Variants in KDM4C observed in about 807,000 individuals in gnomAD.
KDM4C encodes lysine demethylase 4C, also known as lysine-specific demethylase 4C.
In KDM4C, 81 loss-of-function variants were observed where a neutral mutation model predicts 129.3. The ratio of observed to expected loss-of-function variants is 0.63; its 90% CI spans 0.52 to 0.75. KDM4C has a LOEUF of 0.75. Ranked by LOEUF, KDM4C falls within the 30% of genes least tolerant of loss-of-function variation. KDM4C has a pLI of 0.00. For missense variants in KDM4C, 1,457 were observed against 1,304.0 expected (o/e 1.12, Z -1.81); for synonymous variants, 573 against 456.1 (o/e 1.26, Z -3.26).
intron 17 of KDM4C, among the ~76,000 whole-genome samples, chr9:7,087,847 C>T (rs1234515600): frequency 1.3e-5 from 2 of 152,166 alleles, no homozygotes; most frequent in South Asian, 2.1e-4. Flanking sequence ...ATTATTTAAA[C>T]TTATGATGAG....
At chr9:6,840,689 A>C (rs1448578633) in intron 4 of KDM4C, among the ~76,000 whole-genome samples, 1 of 152,210 alleles carries the variant, frequency 6.6e-6, no homozygotes, top group Non-Finnish European at 1.5e-5. Flanking sequence ...GAGCCACCGC[A>C]TCCAGCCCTC....
At chr9:6,868,668 A>G (rs187409718) in intron 5 of KDM4C, among the ~76,000 whole-genome samples, 23 of 152,126 alleles carry the variant, frequency 1.5e-4, no homozygotes, top group Middle Eastern at 3.4e-3. Context: ...CAGTTTGTAC[A>G]TGTTCAGTAC....
chr9:6,752,886 G>T (rs567624518), upstream of KDM4C, among the ~76,000 whole-genome samples: 1 of 152,242 alleles, frequency 6.6e-6, no homozygotes, highest in South Asian at 2.1e-4. Flanking sequence ...CATGCCTGAG[G>T]TGGAGGAGCA....
At chr9:7,024,800 G>A (rs2132293481) in intron 15 of KDM4C, among the ~76,000 whole-genome samples, 1 of 152,284 alleles carries the variant, frequency 6.6e-6, no homozygotes. Context: ...ACATACGTGT[G>A]CATGTGTCTT....
intron 8 of KDM4C, among the ~76,000 whole-genome samples, chr9:6,953,381 C>A (rs1222162308): frequency 6.6e-6 from 1 of 152,122 alleles, no homozygotes; most frequent in Non-Finnish European, 1.5e-5. Flanking sequence ...CTGCTTTGAC[C>A]TATGGTTTGA....
At chr9:7,000,607 T>C (rs1289075398) in intron 12 of KDM4C, among the ~76,000 whole-genome samples, 1 of 152,214 alleles carries the variant, frequency 6.6e-6, no homozygotes, top group Non-Finnish European at 1.5e-5. Flanking sequence ...TTCAATTCTT[T>C]AGAAAAATAA....
chr9:6,965,673 G>A (rs1440023799), intron 8 of KDM4C, among the ~76,000 whole-genome samples: 1 of 152,212 alleles, frequency 6.6e-6, no homozygotes, highest in African/African-American at 2.4e-5. Context: ...GAAGCAAACT[G>A]ATGTTCCAGT....
At chr9:6,975,374 G>C (rs1049020268) in intron 8 of KDM4C, among the ~76,000 whole-genome samples, 1 of 152,170 alleles carries the variant, frequency 6.6e-6, no homozygotes, top group Non-Finnish European at 1.5e-5. Flanking sequence ...GATTGAGATG[G>C]AAAAATGTGG....
At chr9:6,833,844 T>G (rs531759518) in intron 4 of KDM4C, among the ~76,000 whole-genome samples, 8 of 152,318 alleles carry the variant, frequency 5.3e-5, no homozygotes, top group East Asian at 1.9e-4. Context: ...CCATTTTAAG[T>G]TTGTCCAATC....
chr9:7,173,855 C>G (rs559612606), intron 21 of KDM4C, among the ~76,000 whole-genome samples: 2 of 152,282 alleles, frequency 1.3e-5, no homozygotes, highest in African/African-American at 4.8e-5. Flanking sequence ...CAGGCCTGAG[C>G]TGGAGCAGAT....
chr9:6,897,711 A>G (rs1816690020), intron 8 of KDM4C, among the ~76,000 whole-genome samples: 1 of 152,194 alleles, frequency 6.6e-6, no homozygotes, highest in African/African-American at 2.4e-5. Context: ...GAGCTTTCAG[A>G]AAGAACAGAG....
chr9:6,858,928 T>C (rs563223412), intron 5 of KDM4C, among the ~76,000 whole-genome samples: 19 of 152,268 alleles, frequency 1.2e-4, no homozygotes, highest in Admixed American at 1.3e-4. Context: ...CAATTTAATA[T>C]TTGTTATGCA....
chr9:6,992,990 G>T (rs1315897252), intron 12 of KDM4C, among the ~76,000 whole-genome samples: 1 of 152,178 alleles, frequency 6.6e-6, no homozygotes, highest in Non-Finnish European at 1.5e-5. Flanking sequence ...CCACTTGTAC[G>T]TTGCTATTCT....
chr9:6,758,151 G>C lies in KDM4C; in HGVS notation c.-70G>C, dbSNP rs567410675. ...AAATCTCCCTGGGCCGGAGGCCACTGTCTTCTCTTCCTCCTCCACCGAGTC... is the reference window on the plus strand; with the variant it reads ...AAATCTCCCTGGGCCGGAGGCCACTCTCTTCTCTTCCTCCTCCACCGAGTC... On this transcript the variant is annotated 5_prime_UTR_variant, in exon 1 of 22. Coordinates refer to ENST00000381309, the MANE Select transcript of KDM4C (RefSeq NM_015061.6). The surrounding 1 kb of genome is among the most constrained non-coding windows in gnomAD (Gnocchi z 4.6). The C allele has an allele frequency of 7.1e-6, 7 of 985,754 alleles. No homozygotes were observed. The East Asian group carries it at 3.4e-4, about 48-fold the overall frequency. 61.1% of individuals were successfully genotyped at this position (985,754 alleles called of 1,614,324 possible).
At chr9:6,773,643 C>T (rs974123156) in intron 1 of KDM4C, among the ~76,000 whole-genome samples, 3 of 151,922 alleles carry the variant, frequency 2.0e-5, no homozygotes, top group African/African-American at 7.3e-5. Context: ...TGTTAGCGCA[C>T]GCTTATAATC....
chr9:6,780,698 G>C (rs1055094332), intron 1 of KDM4C, among the ~76,000 whole-genome samples: 1 of 133,978 alleles, frequency 7.5e-6, no homozygotes, highest in Non-Finnish European at 1.6e-5. Context: ...AACCAGGGAG[G>C]TAGAGGTTGC....
chr9:7,063,818 A>G (rs374495823), intron 17 of KDM4C, among the ~76,000 whole-genome samples: 4 of 152,324 alleles, frequency 2.6e-5, no homozygotes, highest in Non-Finnish European at 5.9e-5. Context: ...GTTCAGAAGA[A>G]TGAACAGCAT....
At chr9:6,892,015 G>T (rs75017602) in intron 7 of KDM4C, among the ~76,000 whole-genome samples, 8,997 of 152,136 alleles carry the variant, frequency 0.059, 488 homozygotes, top group East Asian at 0.27. Context: ...TAAAAATGTG[G>T]TTTTACAACT....
intron 9 of KDM4C, among the ~76,000 whole-genome samples, chr9:6,983,516 A>C (rs920996581): frequency 6.6e-6 from 1 of 150,532 alleles, no homozygotes; most frequent in Non-Finnish European, 1.5e-5. Context: ...GGGGAGGATC[A>C]CTTGAGGCCA....
Sources: gnomAD v4.1 joint callset for allele counts (sites outside exome capture counted in the v4.1 genomes callset) on GRCh38, gnomAD v4.1.1 for gene constraint, Gnocchi (gnomAD v3.1) non-coding constraint, MANE v1.5 for transcripts, NCBI Gene and HGNC (gene_info 2026-07-23, HGNC 2026-07-21) for gene names.